YTHDF3: variants seen among roughly 807,000 people sequenced by gnomAD.
YTHDF3 encodes the protein YTH domain-containing family protein 3.
In YTHDF3, 9 loss-of-function variants were observed where a neutral mutation model predicts 52.5. The observed-to-expected ratio is 0.17, with a 90% CI of 0.10 to 0.30. The LOEUF is 0.30. YTHDF3 is among the 10% of genes least tolerant of loss of function. The pLI is 1.00. For synonymous variants in YTHDF3, 274 were observed against 243.3 expected, an observed-to-expected ratio of 1.13 and a Z score of -1.18; for missense variants, 534 against 715.0, an observed-to-expected ratio of 0.75 and a Z score of 2.89.
chr8:63,188,740 G>A (rs560889716), intron 4 of YTHDF3: 3 of 109,248 alleles, frequency 2.7e-5, no homozygotes, highest in African/African-American at 1.1e-4. Context: ...GTGAGATGGA[G>A]TCGCTCTCTG....
At chr8:63,202,330 G>A (rs1809691650) in intron 4 of YTHDF3, among the ~76,000 whole-genome samples, 1 of 152,178 alleles carries the variant, frequency 6.6e-6, no homozygotes, top group African/African-American at 2.4e-5. Flanking sequence ...TAATGCCAAA[G>A]GATCCGTCCT....
chr8:63,210,135 T>A lies in YTHDF3; in HGVS notation c.*429T>A, dbSNP rs1810294114. 6.4e-6 allele frequency: 1 copy of A among 155,708 alleles called. No individual in the cohort carries two copies. Among genetic ancestry groups the A allele is most frequent in the Non-Finnish European group, 1.4e-5 (1 of 70,238 alleles). 9.6% of individuals were successfully genotyped at this position (155,708 alleles called of 1,614,324 possible). On this transcript the variant is annotated 3_prime_UTR_variant, in exon 5 of 5. Coordinates refer to ENST00000539294, the MANE Select transcript of YTHDF3 (RefSeq NM_152758.6). ...AGTTTTTAAATTGTCGATTTTTAGC[T>A]ATTTGACAGATTAAAAGCAAAATAA... is the stretch of plus-strand genomic sequence containing the variant.
At chr8:63,178,568 A>G (rs941876272) in intron 3 of YTHDF3, among the ~76,000 whole-genome samples, 1 of 152,230 alleles carries the variant, frequency 6.6e-6, no homozygotes, top group Non-Finnish European at 1.5e-5. Flanking sequence ...TCCTGTTTGA[A>G]GAGAAGTTGT....
chr8:63,197,596 G>A (rs1467869937), intron 4 of YTHDF3, among the ~76,000 whole-genome samples: 1 of 152,038 alleles, frequency 6.6e-6, no homozygotes, highest in Non-Finnish European at 1.5e-5. Context: ...AAAATAGCGT[G>A]GCTTGTAGTA....
In YTHDF3 at chr8:63,186,442, A is replaced by G; in HGVS notation, c.431A>G (p.Gln144Arg). 6.2e-7 allele frequency: 1 copy of G among 1,614,056 alleles called. No individual in the cohort carries two copies. Among genetic ancestry groups the G allele is most frequent in the Non-Finnish European group, 8.5e-7 (1 of 1,179,906 alleles). The change falls in exon 4 of 5, where the codon CAA (glutamine) becomes CGA (arginine). Residue 144 changes from glutamine to arginine, a missense_variant. By Grantham distance (43) the Gln-to-Arg change is conservative. Coordinates refer to ENST00000539294, the MANE Select transcript of YTHDF3 (RefSeq NM_152758.6). ...TGGGGGACAAGTGGATCTCAGGGACAATCAACACAAAGTTCTGCTTATAGT... is the reference window on the plus strand; with the variant it reads ...TGGGGGACAAGTGGATCTCAGGGACGATCAACACAAAGTTCTGCTTATAGT... ...STWGTSGSQG[Q>R]STQSSAYSSS...
At chr8:63,204,053 G>A (rs1444581956) in intron 4 of YTHDF3, among the ~76,000 whole-genome samples, 1 of 152,140 alleles carries the variant, frequency 6.6e-6, no homozygotes, top group Non-Finnish European at 1.5e-5. Flanking sequence ...CACACTTGAG[G>A]AAATCAAGCC....
intron 2 of YTHDF3, 61 bp from the exon 3 acceptor site, chr8:63,175,270 A>C: frequency 8.2e-7 from 1 of 1,222,490 alleles, no homozygotes; most frequent in East Asian, 2.5e-5. Flanking sequence ...TAAAAACATT[A>C]GGTTGTGCTG....
At chr8:63,169,063 T>A in intron 1 of YTHDF3, 162 bp downstream of exon 1, 2 of 1,395,388 alleles carry the variant, frequency 1.4e-6, no homozygotes, top group Non-Finnish European at 1.8e-6. Flanking sequence ...GCGTGCGCCC[T>A]GGCCCCGTAG....
At chr8:63,202,462 CT>C (rs5891892) in intron 4 of YTHDF3, among the ~76,000 whole-genome samples, 93,867 of 127,844 alleles carry the variant, frequency 0.73, 34,880 homozygotes, top group East Asian at 0.95. Context: ...TTGTTCTACT[CT>C]TTTTTTTTTT....
At chr8:63,179,430 A>G (rs1159331456) in intron 3 of YTHDF3, among the ~76,000 whole-genome samples, 2 of 152,158 alleles carry the variant, frequency 1.3e-5, no homozygotes, top group East Asian at 1.9e-4. Context: ...CTTAAGGAGC[A>G]TGCTGCCTTC....
At chr8:63,198,680 G>A (rs1190134018) in intron 4 of YTHDF3, among the ~76,000 whole-genome samples, 1 of 152,156 alleles carries the variant, frequency 6.6e-6, no homozygotes, top group African/African-American at 2.4e-5. Context: ...TCAACTTTGT[G>A]TTAACATAGA....
intron 2 of YTHDF3, among the ~76,000 whole-genome samples, chr8:63,175,112 T>G (rs918071737): frequency 1.2e-4 from 19 of 152,180 alleles, no homozygotes; most frequent in African/African-American, 3.4e-4. Flanking sequence ...TGGCTTGTGT[T>G]TATGTAATCT....
rs10710672 is a variant in YTHDF3, at chr8:63,176,674, G to GT, written c.135+1270dup. ...TATGATTAATTTGATTAGAAACTCA[G>GT]TTTTTTTTTTTTCTTTAATTTTTGA... On this transcript the variant is annotated intron_variant, in intron 3 of 4. Coordinates refer to ENST00000539294, the MANE Select transcript of YTHDF3 (RefSeq NM_152758.6). 1.8e-3 allele frequency among the ~76,000 whole-genome samples: 266 copies of GT among 146,206 alleles called. 1 individual carries two copies. Among genetic ancestry groups the GT allele is most frequent in the Middle Eastern group, 0.011 (3 of 282 alleles).
intron 1 of YTHDF3, 187 bp downstream of exon 1, chr8:63,169,088 G>T: frequency 7.2e-7 from 1 of 1,383,480 alleles, no homozygotes; most frequent in Non-Finnish European, 9.3e-7. Context: ...CGGGCGGGCG[G>T]GCGCGGTGCC....
At chr8:63,169,763 G>T (rs1369462719) in intron 2 of YTHDF3, among the ~76,000 whole-genome samples, 3 of 152,198 alleles carry the variant, frequency 2.0e-5, no homozygotes, top group African/African-American at 7.2e-5. Flanking sequence ...TCTTAAAGTG[G>T]ACATTTTGTT....
chr8:63,190,889 C>G (rs907304743), intron 4 of YTHDF3, among the ~76,000 whole-genome samples: 21 of 152,152 alleles, frequency 1.4e-4, no homozygotes, highest in Non-Finnish European at 2.8e-4. Flanking sequence ...GTTGCTGCCA[C>G]CCTTTTTAAT....
intron 3 of YTHDF3, chr8:63,175,633 T>C (rs1003608166): frequency 2.2e-5 from 9 of 417,974 alleles, no homozygotes; most frequent in Admixed American, 7.6e-5. Context: ...TTATGAAATA[T>C]AGAATAAAGA....
intron 4 of YTHDF3, among the ~76,000 whole-genome samples, chr8:63,206,780 A>G (rs1031566351): frequency 3.9e-5 from 6 of 152,114 alleles, no homozygotes; most frequent in African/African-American, 1.4e-4. Flanking sequence ...TCAGCTTTTA[A>G]GTTTGTTTCT....
chr8:63,174,022 CTT>C, intron 2 of YTHDF3, among the ~76,000 whole-genome samples: 1 of 152,166 alleles, frequency 6.6e-6, no homozygotes, highest in East Asian at 1.9e-4. Context: ...TTTTGTATAT[CTT>C]TGCTCCCAAG....
Sources: allele counts gnomAD v4.1 joint callset (sites outside exome capture counted in the v4.1 genomes callset), GRCh38; gene constraint gnomAD v4.1.1; transcripts MANE v1.5; gene names NCBI Gene and HGNC (gene_info 2026-07-23, HGNC 2026-07-21).